The following NEK10 variants were observed in gnomAD, a reference collection of about 807,000 sequenced individuals.
NEK10 encodes the protein serine/threonine-protein kinase Nek10.
Under a neutral mutation model 159.8 loss-of-function variants are expected in NEK10, and 122 were observed. The observed-to-expected ratio is 0.76, with a 90% CI of 0.66 to 0.89. NEK10 has a LOEUF of 0.89. Among genes scored for constraint, NEK10 ranks in the 40% least tolerant of loss-of-function variants. The probability of loss-of-function intolerance (pLI) is 0.00; values close to 1 mark genes in which losing one functional copy is unlikely to be tolerated. For synonymous variants in NEK10, 466 were observed against 457.1 expected (o/e 1.02, Z -0.25); for missense variants, 1,342 against 1,323.1 (o/e 1.01, Z -0.22).
chr3:27,116,194 C>A, intron 33 of NEK10, 67 bp from the exon 34 acceptor site: 1 of 1,424,498 alleles, frequency 7.0e-7, no homozygotes, highest in Non-Finnish European at 9.8e-7. Flanking sequence ...TCTTTACTGG[C>A]AATTATGACT....
intron 23 of NEK10, chr3:27,215,520 C>G: frequency 2.2e-6 from 1 of 452,018 alleles, no homozygotes. Context: ...CATAGAATAT[C>G]TTTATATTTA....
At chr3:27,264,755 G>A (rs1487423378) in intron 22 of NEK10, among the ~76,000 whole-genome samples, 1 of 152,050 alleles carries the variant, frequency 6.6e-6, no homozygotes, top group East Asian at 1.9e-4. Flanking sequence ...TTATCTGGGT[G>A]TGGTGGCAGG....
chr3:27,318,903 G>A (rs1436289904), intron 6 of NEK10, among the ~76,000 whole-genome samples: 1 of 151,876 alleles, frequency 6.6e-6, no homozygotes, highest in Non-Finnish European at 1.5e-5. Flanking sequence ...GGAAGATATG[G>A]GAGAAGACAA....
chr3:27,237,664 G>T (rs914910788), intron 23 of NEK10, among the ~76,000 whole-genome samples: 2 of 151,916 alleles, frequency 1.3e-5, no homozygotes, highest in Non-Finnish European at 2.9e-5. Flanking sequence ...GGGTGGGAGT[G>T]GGGTGAGGAA....
At chr3:27,210,587 A>T (rs765202995) in intron 23 of NEK10, among the ~76,000 whole-genome samples, 3 of 152,192 alleles carry the variant, frequency 2.0e-5, no homozygotes, top group Non-Finnish European at 4.4e-5. Context: ...TGTCTTGCAC[A>T]ATCCAAGCCC....
intron 25 of NEK10, among the ~76,000 whole-genome samples, chr3:27,195,532 C>T (rs977227857): frequency 6.6e-6 from 1 of 152,162 alleles, no homozygotes; most frequent in Non-Finnish European, 1.5e-5. Flanking sequence ...ACAGAATGCA[C>T]CCTGCAATCT....
chr3:27,347,612 T>C (rs1180629758), intron 3 of NEK10, among the ~76,000 whole-genome samples: 1 of 152,110 alleles, frequency 6.6e-6, no homozygotes, highest in African/African-American at 2.4e-5. Context: ...ATAAAGACAT[T>C]GTTTAATAGT....
intron 5 of NEK10, among the ~76,000 whole-genome samples, chr3:27,339,750 G>T (rs1157910280): frequency 1.2e-4 from 17 of 143,784 alleles, no homozygotes; most frequent in Non-Finnish European, 6.0e-5. Flanking sequence ...CTGCACTCCA[G>T]CCTGGGCCAC....
chr3:27,148,041 A>C (rs1277776071), intron 30 of NEK10, among the ~76,000 whole-genome samples: 2 of 152,360 alleles, frequency 1.3e-5, no homozygotes, highest in South Asian at 2.1e-4. Context: ...ATAAACAGAA[A>C]AATTTTTAAT....
intron 22 of NEK10, among the ~76,000 whole-genome samples, chr3:27,270,008 A>C (rs2041207167): frequency 6.6e-6 from 1 of 152,234 alleles, no homozygotes; most frequent in Non-Finnish European, 1.5e-5. Flanking sequence ...AATGTTCACC[A>C]GTTCTTTAAC....
chr3:27,304,721 G>A (rs751487016), intron 12 of NEK10, 26 bp downstream of exon 12: 1 of 1,489,540 alleles, frequency 6.7e-7, no homozygotes, highest in East Asian at 2.3e-5. Flanking sequence ...ACAGGGCAAA[G>A]TAGGCCAAAG....
At chr3:27,152,481 C>T (rs1180978139) in intron 30 of NEK10, among the ~76,000 whole-genome samples, 1 of 152,054 alleles carries the variant, frequency 6.6e-6, no homozygotes, top group African/African-American at 2.4e-5. Context: ...ACTACAGGAA[C>T]TGCTAAAAGG....
At chr3:27,348,903 CTT>C (rs2047764356) in intron 3 of NEK10, among the ~76,000 whole-genome samples, 1 of 152,186 alleles carries the variant, frequency 6.6e-6, no homozygotes, top group South Asian at 2.1e-4. Context: ...TTCCCAGTCT[CTT>C]TGCCAAACTA....
chr3:27,274,607 G>C (rs1239541243), intron 22 of NEK10, among the ~76,000 whole-genome samples: 5 of 151,934 alleles, frequency 3.3e-5, no homozygotes, highest in African/African-American at 9.7e-5. Context: ...GGGAAGTCAG[G>C]GGTGCACTCT....
chr3:27,146,765 TAGA>T (rs1944336799), intron 30 of NEK10, among the ~76,000 whole-genome samples: 1 of 152,158 alleles, frequency 6.6e-6, no homozygotes, highest in African/African-American at 2.4e-5. Context: ...CAGGAAGAAT[TAGA>T]AGGTCTTCGA....
At chr3:27,310,244 T>A (rs1226435317) in intron 9 of NEK10, 1 of 152,202 alleles carries the variant, frequency 6.6e-6, no homozygotes, top group Non-Finnish European at 1.5e-5. Flanking sequence ...TTTTTTGCCA[T>A]ATTCAACTAA....
At chr3:27,334,472 C>T (rs1397816162) in intron 5 of NEK10, among the ~76,000 whole-genome samples, 3 of 152,120 alleles carry the variant, frequency 2.0e-5, no homozygotes, top group African/African-American at 7.2e-5. Context: ...GCAGTGTATG[C>T]CATCTAGGGT....
chr3:27,364,693 T>C lies in NEK10; in HGVS notation c.-38+4532A>G, dbSNP rs894926217. ...TTATTCTTACAAGCACATTAGTATA[T>C]TCATTTAATCCTCAAAACAACCCTC... On this transcript the variant is annotated intron_variant, in intron 1 of 35. Coordinates refer to ENST00000691995, the MANE Select transcript of NEK10 (RefSeq NM_001394966.1). Among the ~76,000 whole-genome samples, 4 of 152,322 alleles carry C rather than the reference T, an allele frequency of 2.6e-5. No individual in the cohort carries two copies. The Middle Eastern group carries it at 0.01, about 389-fold the overall frequency.
At chr3:27,128,712 T>C (rs1942265872) in intron 32 of NEK10, among the ~76,000 whole-genome samples, 1 of 152,080 alleles carries the variant, frequency 6.6e-6, no homozygotes, top group African/African-American at 2.4e-5. Context: ...TTATTCTTAT[T>C]GATGTTCCAA....
Sources: gnomAD v4.1 joint callset for allele counts (sites outside exome capture counted in the v4.1 genomes callset) on GRCh38, gnomAD v4.1.1 for gene constraint, MANE v1.5 for transcripts, NCBI Gene and HGNC (gene_info 2026-07-23, HGNC 2026-07-21) for gene names.